The following AP3S1 variants were observed in gnomAD, a reference collection of about 807,000 sequenced individuals.
The protein encoded by AP3S1 is AP-3 complex subunit sigma-1.
AP3S1 carries 12 observed loss-of-function variants against 21.3 expected under a neutral mutation model. The ratio of observed to expected loss-of-function variants is 0.56; its 90% CI spans 0.36 to 0.91. AP3S1 has a LOEUF of 0.91. AP3S1 is among the 40% of genes least tolerant of loss of function. The pLI is 0.01. For synonymous variants in AP3S1, 48 were observed against 78.4 expected (o/e 0.61, Z 2.05); for missense variants, 116 against 225.0 (o/e 0.52, Z 3.10).
At chr5:115,848,884 A>C (rs1032414907) in intron 1 of AP3S1, among the ~76,000 whole-genome samples, 92 of 152,350 alleles carry the variant, frequency 6.0e-4, no homozygotes, top group African/African-American at 2.2e-3. Context: ...AGAATCAAGC[A>C]ACTCTTAGAA....
intron 2 of AP3S1, among the ~76,000 whole-genome samples, chr5:115,867,218 A>C (rs1580657539): frequency 6.6e-6 from 1 of 152,122 alleles, no homozygotes; most frequent in Non-Finnish European, 1.5e-5. Context: ...CAGTATTTTC[A>C]AAAGCTTTGC....
chr5:115,910,504 T>C (rs1474109989), intron 5 of AP3S1, among the ~76,000 whole-genome samples: 1 of 151,760 alleles, frequency 6.6e-6, no homozygotes, highest in African/African-American at 2.4e-5. Flanking sequence ...GAATGTATCT[T>C]ACTGGAAAAA....
chr5:115,855,869 G>A (rs1331941892), intron 1 of AP3S1, among the ~76,000 whole-genome samples: 1 of 151,834 alleles, frequency 6.6e-6, no homozygotes, highest in African/African-American at 2.4e-5. Context: ...AGAATGATGA[G>A]GATGGGAGAT....
chr5:115,866,204 T>C (rs1236471014), intron 1 of AP3S1, among the ~76,000 whole-genome samples: 3 of 152,248 alleles, frequency 2.0e-5, no homozygotes, highest in African/African-American at 7.2e-5. Context: ...GTAAGATGGA[T>C]GGACTCTTAC....
intron 5 of AP3S1, among the ~76,000 whole-genome samples, chr5:115,910,146 A>G (rs1751981002): frequency 6.6e-6 from 1 of 151,716 alleles, no homozygotes; most frequent in Admixed American, 6.6e-5. Flanking sequence ...ACACACCTGT[A>G]GTTCTAACTA....
chr5:115,868,951 A>C (rs76613086), intron 2 of AP3S1, among the ~76,000 whole-genome samples: 2 of 43,632 alleles, frequency 4.6e-5, no homozygotes, highest in Non-Finnish European at 8.1e-5. Flanking sequence ...GGAAGGAAGG[A>C]AGGGAGGGAG....
In AP3S1 at chr5:115,879,432, C is replaced by G. The variant is rs188186793; in HGVS notation, c.273+9304C>G. On this transcript the variant is annotated intron_variant, in intron 3 of 5. Coordinates refer to ENST00000316788, the MANE Select transcript of AP3S1 (RefSeq NM_001284.4). ...AGGGGTGTTGAATTTTATCAAAGGC[C>G]TTTTCTGCATCTATTGAAATAATCA... 4.0e-3 allele frequency among the ~76,000 whole-genome samples: 604 copies of G among 152,182 alleles called. 1 individual carries two copies. The highest frequency in any genetic ancestry group is 0.014 in the African/African-American group (576 of 41,502).
Position 115,866,672 on chromosome 5 carries a change from T to G in AP3S1, c.72T>G (p.Ser24Arg). The change falls in exon 2 of 6, where the codon AGT (serine) becomes AGG (arginine). Residue 24 changes from serine to arginine, a missense_variant and splice_region_variant. By Grantham distance (110) the Ser-to-Arg change is moderately radical. Transcript: ENST00000316788. ...ATATATGAATTATTCTTCCTCAGAG[T>G]GAAGATACACAACAGCAAATCATCA... is the stretch of plus-strand genomic sequence containing the variant. ...PRLSKFYQPYSEDTQQQIIRE... is the reference protein window; with the variant it reads ...PRLSKFYQPYREDTQQQIIRE... 1 of 1,587,790 alleles carries G rather than the reference T, an allele frequency of 6.3e-7. No homozygotes were observed. Among genetic ancestry groups the G allele is most frequent in the Non-Finnish European group, 8.6e-7 (1 of 1,161,156 alleles).
chr5:115,877,183 A>AAT (rs201105576), intron 3 of AP3S1, among the ~76,000 whole-genome samples: 67 of 151,970 alleles, frequency 4.4e-4, no homozygotes, highest in African/African-American at 1.3e-3. Context: ...AAAGCTTTGT[A>AAT]ATATATATAT....
intron 3 of AP3S1, among the ~76,000 whole-genome samples, chr5:115,878,375 G>A (rs574276588): frequency 7.9e-5 from 12 of 152,274 alleles, no homozygotes; most frequent in African/African-American, 2.9e-4. Context: ...CTTAATTTTT[G>A]TATAAGGTGT....
chr5:115,866,168 C>G (rs1763599003), intron 1 of AP3S1, among the ~76,000 whole-genome samples: 1 of 152,174 alleles, frequency 6.6e-6, no homozygotes, highest in South Asian at 2.1e-4. Context: ...CAATCCTTGG[C>G]TTTAGATCGG....
chr5:115,864,404 A>G (rs1320558755), intron 1 of AP3S1, among the ~76,000 whole-genome samples: 1 of 152,210 alleles, frequency 6.6e-6, no homozygotes, highest in Non-Finnish European at 1.5e-5. Flanking sequence ...CCCCAGTCAC[A>G]AAGTTTGTAA....
intron 1 of AP3S1, among the ~76,000 whole-genome samples, chr5:115,855,288 G>T (rs938150884): frequency 6.6e-6 from 1 of 151,900 alleles, no homozygotes; most frequent in East Asian, 1.9e-4. Context: ...ATCTGCCTGC[G>T]TTGGCCTCCC....
intron 1 of AP3S1, among the ~76,000 whole-genome samples, chr5:115,856,390 A>G (rs949706947): frequency 2.0e-5 from 3 of 150,752 alleles, no homozygotes; most frequent in African/African-American, 7.3e-5. Context: ...CTATGTATAC[A>G]TTATAAAAGG....
intron 5 of AP3S1, chr5:115,909,089 GAA>G (rs33934633): frequency 3.9e-4 from 172 of 446,186 alleles, no homozygotes; most frequent in African/African-American, 5.3e-4. Context: ...ATTCAAACTT[GAA>G]AAAAAAAAAG....
At chr5:115,894,715 C>A (rs922448395) in intron 3 of AP3S1, among the ~76,000 whole-genome samples, 1 of 152,180 alleles carries the variant, frequency 6.6e-6, no homozygotes, top group African/African-American at 2.4e-5. Context: ...ATAGTAGGGA[C>A]TTGGACTGTG....
chr5:115,865,398 TA>T (rs2112824008), intron 1 of AP3S1, among the ~76,000 whole-genome samples: 1 of 152,322 alleles, frequency 6.6e-6, no homozygotes, highest in South Asian at 2.1e-4. Flanking sequence ...TCAGCATCCC[TA>T]ACTGCCACAT....
At chr5:115,867,068 A>G (rs1318157988) in intron 2 of AP3S1, among the ~76,000 whole-genome samples, 3 of 152,118 alleles carry the variant, frequency 2.0e-5, no homozygotes, top group East Asian at 3.8e-4. Context: ...CCTTCTACCC[A>G]ATTTCTTGTG....
intron 1 of AP3S1, among the ~76,000 whole-genome samples, chr5:115,855,041 A>ATCTG (rs922511228): frequency 4.0e-5 from 6 of 151,250 alleles, no homozygotes; most frequent in Non-Finnish European, 5.9e-5. Flanking sequence ...CTATCTATCT[A>ATCTG]TCTATCTATC....
Sources: gnomAD v4.1 joint callset for allele counts (sites outside exome capture counted in the v4.1 genomes callset) on GRCh38, gnomAD v4.1.1 for gene constraint, MANE v1.5 for transcripts, NCBI Gene and HGNC (gene_info 2026-07-23, HGNC 2026-07-21) for gene names.